Variants in MBNL2 observed in about 807,000 individuals in gnomAD.
MBNL2 encodes muscleblind-like protein 2.
MBNL2 carries 17 observed loss-of-function variants against 41.9 expected under a neutral mutation model. The observed-to-expected ratio is 0.41, with a 90% CI of 0.28 to 0.61. MBNL2 has a LOEUF of 0.61. Among genes scored for constraint, MBNL2 ranks in the 20% least tolerant of loss-of-function variants. MBNL2 has a pLI of 0.35. For missense variants in MBNL2, 336 were observed against 505.6 expected, an observed-to-expected ratio of 0.66 and a Z score of 3.22; for synonymous variants, 195 against 182.9, an observed-to-expected ratio of 1.07 and a Z score of -0.53.
chr13:97,312,531 G>A (rs1195091884), intron 2 of MBNL2, among the ~76,000 whole-genome samples: 1 of 152,072 alleles, frequency 6.6e-6, no homozygotes, highest in Non-Finnish European at 1.5e-5. Flanking sequence ...AAAATTCCTG[G>A]ATCATGAAGA....
At chr13:97,189,555 C>T in the MBNL2 span, among the ~76,000 whole-genome samples, 2 of 152,284 alleles carry the variant, frequency 1.3e-5, no homozygotes, top group East Asian at 1.9e-4. Flanking sequence ...TGTACAAATG[C>T]ATATGCATAT....
chr13:97,256,238 G>T (rs2047494933), intron 1 of MBNL2, among the ~76,000 whole-genome samples: 1 of 151,978 alleles, frequency 6.6e-6, no homozygotes, highest in Non-Finnish European at 1.5e-5. Context: ...AAACTAAGGT[G>T]ACCTTGATGG....
chr13:97,146,380 T>G, the MBNL2 span, among the ~76,000 whole-genome samples: 1 of 152,158 alleles, frequency 6.6e-6, no homozygotes, highest in Non-Finnish European at 1.5e-5. Context: ...TTCACTAACA[T>G]TCCATCCAAG....
chr13:97,285,349 G>A (rs2054211965), intron 2 of MBNL2, among the ~76,000 whole-genome samples: 1 of 152,124 alleles, frequency 6.6e-6, no homozygotes, highest in Non-Finnish European at 1.5e-5. Context: ...TAAAAAGGAA[G>A]GTGATATGAA....
chr13:97,160,560 GCA>G, the MBNL2 span, among the ~76,000 whole-genome samples: 5 of 151,748 alleles, frequency 3.3e-5, no homozygotes, highest in East Asian at 1.9e-4. Context: ...ACCTAGACAC[GCA>G]CACACACACA....
At chr13:97,341,139 AT>A (rs1204949298) in intron 3 of MBNL2, among the ~76,000 whole-genome samples, 2 of 152,146 alleles carry the variant, frequency 1.3e-5, no homozygotes, top group East Asian at 3.9e-4. Flanking sequence ...TTTTAATACT[AT>A]TTTTACTCCT....
chr13:97,178,543 A>T, the MBNL2 span, among the ~76,000 whole-genome samples: 1 of 152,206 alleles, frequency 6.6e-6, no homozygotes, highest in Non-Finnish European at 1.5e-5. Flanking sequence ...GGGTGCTTCA[A>T]CCTCATCTTT....
the MBNL2 span, among the ~76,000 whole-genome samples, chr13:97,192,266 T>C: frequency 6.6e-6 from 1 of 152,210 alleles, no homozygotes; most frequent in African/African-American, 2.4e-5. Flanking sequence ...CTATTTAATT[T>C]AGATCAGATC....
chr13:97,266,126 C>A (rs545898543), intron 1 of MBNL2, among the ~76,000 whole-genome samples: 1 of 152,132 alleles, frequency 6.6e-6, no homozygotes, highest in Admixed American at 6.5e-5. Flanking sequence ...CCTGTAATCC[C>A]AACTACTTGG....
intron 2 of MBNL2, among the ~76,000 whole-genome samples, chr13:97,315,991 G>A (rs746631707): frequency 5.9e-5 from 9 of 152,094 alleles, no homozygotes; most frequent in Admixed American, 1.3e-4. Flanking sequence ...TCTTTCATAC[G>A]CCAATGACTT....
At chr13:97,218,314 G>A (rs910720342), upstream of MBNL2, among the ~76,000 whole-genome samples, 1 of 151,990 alleles carries the variant, frequency 6.6e-6, no homozygotes, top group Non-Finnish European at 1.5e-5. Context: ...GGAGACTGAA[G>A]CAGGAGAATG....
At chr13:97,236,453 G>C (rs2043290495) in intron 1 of MBNL2, among the ~76,000 whole-genome samples, 1 of 152,006 alleles carries the variant, frequency 6.6e-6, no homozygotes, top group Non-Finnish European at 1.5e-5. Flanking sequence ...ATCTGGGTGT[G>C]AGATGTACAG....
At chr13:97,235,095 C>G (rs1271175638) in intron 1 of MBNL2, among the ~76,000 whole-genome samples, 6 of 152,174 alleles carry the variant, frequency 3.9e-5, no homozygotes, top group Non-Finnish European at 7.3e-5. Context: ...TGAACCATTT[C>G]TCTATGAGGT....
chr13:97,197,011 G>C, the MBNL2 span, among the ~76,000 whole-genome samples: 3 of 152,266 alleles, frequency 2.0e-5, no homozygotes, highest in Admixed American at 6.5e-5. Flanking sequence ...TGGAATGCCA[G>C]GAAATTGCTT....
intron 2 of MBNL2, among the ~76,000 whole-genome samples, chr13:97,332,750 T>C (rs2060533830): frequency 6.6e-6 from 1 of 152,194 alleles, no homozygotes; most frequent in South Asian, 2.1e-4. Context: ...ATCAACAATA[T>C]GAACTTGAGA....
At chr13:97,266,234 T>A (rs1371976923) in intron 1 of MBNL2, among the ~76,000 whole-genome samples, 1 of 152,036 alleles carries the variant, frequency 6.6e-6, no homozygotes, top group East Asian at 1.9e-4. Context: ...AGAGCAAGAC[T>A]TCATCTCACG....
In MBNL2 at chr13:97,268,541, A is replaced by G. The variant is rs2050300580; in HGVS notation, c.-604-7091A>G. 6.6e-6 allele frequency among the ~76,000 whole-genome samples: 1 copy of G among 152,172 alleles called. No individual in the cohort carries two copies. The highest frequency in any genetic ancestry group is 6.5e-5 in the Admixed American group (1 of 15,280). On this transcript the variant is annotated intron_variant, in intron 1 of 8. Coordinates refer to ENST00000679496, the MANE Select transcript of MBNL2 (RefSeq NM_001382683.1). The surrounding 1 kb of genome is among the most constrained non-coding windows in gnomAD (Gnocchi z 4.6). ...CTGGGGCAGCTCCCAGCCTCAACCT[A>G]CCTGGCAGCCGCAGGGTAAGCCAGT...
chr13:97,389,712 AAAAG>A (rs147584909), intron 8 of MBNL2, among the ~76,000 whole-genome samples: 8,924 of 151,672 alleles, frequency 0.059, 542 homozygotes, highest in East Asian at 0.16. Context: ...TCTCAAAAAA[AAAAG>A]AAAGAAAGAA....
chr13:97,204,997 T>G, the MBNL2 span, among the ~76,000 whole-genome samples: 1 of 151,730 alleles, frequency 6.6e-6, no homozygotes, highest in Non-Finnish European at 1.5e-5. Flanking sequence ...CATGGTGAAA[T>G]GCCATCTTTA....
Sources: gnomAD v4.1 joint callset for allele counts (sites outside exome capture counted in the v4.1 genomes callset) on GRCh38, gnomAD v4.1.1 for gene constraint, Gnocchi (gnomAD v3.1) non-coding constraint, MANE v1.5 for transcripts, NCBI Gene and HGNC (gene_info 2026-07-23, HGNC 2026-07-21) for gene names.